The following ARFGEF1 variants were observed in gnomAD, a reference collection of about 807,000 sequenced individuals.
The protein encoded by ARFGEF1 is ARF guanine nucleotide exchange factor 1, also known as brefeldin A-inhibited guanine nucleotide-exchange protein 1.
In ARFGEF1, 42 loss-of-function variants were observed where a neutral mutation model predicts 231.0. The observed-to-expected ratio is 0.18, with a 90% CI of 0.14 to 0.24. The LOEUF is 0.24. Among genes scored for constraint, ARFGEF1 ranks in the 10% least tolerant of loss-of-function variants. The pLI is 1.00. For synonymous variants in ARFGEF1, 710 were observed against 732.3 expected, an observed-to-expected ratio of 0.97 and a Z score of 0.49; for missense variants, 1,345 against 2,192.0, an observed-to-expected ratio of 0.61 and a Z score of 7.72.
At chr8:67,257,267 G>C (rs1840488148) in intron 17 of ARFGEF1, among the ~76,000 whole-genome samples, 1 of 152,066 alleles carries the variant, frequency 6.6e-6, no homozygotes, top group Non-Finnish European at 1.5e-5. Context: ...ATTTTGTAGA[G>C]ACAGGGTTTC....
At chr8:67,276,130 T>A (rs754931263) in intron 8 of ARFGEF1, 21 bp from the exon 9 acceptor site, 1 of 1,611,376 alleles carries the variant, frequency 6.2e-7, no homozygotes, top group Non-Finnish European at 8.5e-7. Flanking sequence ...TAACATACCA[T>A]GAAAATTTTA....
intron 1 of ARFGEF1, among the ~76,000 whole-genome samples, chr8:67,337,465 C>T (rs1310331725): frequency 6.6e-6 from 1 of 152,030 alleles, no homozygotes; most frequent in South Asian, 2.1e-4. Flanking sequence ...CCCTTTCCAC[C>T]ACCACCAACT....
At chr8:67,244,057 A>G (rs987605280) in intron 19 of ARFGEF1, among the ~76,000 whole-genome samples, 5 of 151,622 alleles carry the variant, frequency 3.3e-5, no homozygotes, top group Admixed American at 2.6e-4. Flanking sequence ...CCTGGCCAAC[A>G]TGACAAAACC....
chr8:67,315,671 A>T (rs1003226972), intron 1 of ARFGEF1, among the ~76,000 whole-genome samples: 1 of 152,240 alleles, frequency 6.6e-6, no homozygotes, highest in Non-Finnish European at 1.5e-5. Context: ...AATAGGAATC[A>T]TGGAGAAAAA....
chr8:67,194,270 A>G (rs1337508095), downstream of ARFGEF1, among the ~76,000 whole-genome samples: 1 of 152,222 alleles, frequency 6.6e-6, no homozygotes, highest in Non-Finnish European at 1.5e-5. Flanking sequence ...GGAGTGGTCT[A>G]TTTGGGAAAT....
Position 67,217,919 on chromosome 8 carries a change from G to C in ARFGEF1, c.4476C>G (p.Asp1492Glu). The C allele has an allele frequency of 6.2e-7, 1 of 1,613,498 alleles. No individual in the cohort carries two copies. Among genetic ancestry groups the C allele is most frequent in the South Asian group, 1.1e-5 (1 of 91,046 alleles). Reference sequence around the variant, plus strand: ...TACCAGATCGCGCTAACTGCTCATTGTCTAGGAAAGAAAAGAGCAATTCAT... The same window carrying C: ...TACCAGATCGCGCTAACTGCTCATTCTCTAGGAAAGAAAAGAGCAATTCAT... ...FAQLYWCVQQ[D>E]NEQLARSGTN... Residue 1492 changes from aspartate (D) to glutamate (E), a missense_variant and splice_region_variant, in exon 32 of 39, where the codon GAC (aspartate) becomes GAG (glutamate). Physicochemically the swap from Asp to Glu is conservative, Grantham distance 45. Coordinates refer to ENST00000262215, the MANE Select transcript of ARFGEF1 (RefSeq NM_006421.5).
chr8:67,235,680 G>A (rs1408572726), intron 22 of ARFGEF1, among the ~76,000 whole-genome samples: 5 of 151,914 alleles, frequency 3.3e-5, no homozygotes, highest in Non-Finnish European at 7.4e-5. Context: ...TGAAAGCCTG[G>A]GACAGGCTTT....
intron 19 of ARFGEF1, among the ~76,000 whole-genome samples, chr8:67,249,991 C>T (rs985222693): frequency 6.6e-6 from 1 of 152,226 alleles, no homozygotes; most frequent in Non-Finnish European, 1.5e-5. Context: ...AAAGGACATA[C>T]CTCATATGAA....
At position 67,321,998 on chromosome 8, in the gene ARFGEF1, C is replaced by T. The variant is rs552005459; in HGVS notation, c.125-19532G>A. On this transcript the variant is annotated intron_variant, in intron 1 of 38. Coordinates refer to ENST00000262215, the MANE Select transcript of ARFGEF1 (RefSeq NM_006421.5). ...TGCATGCCCTTCCTTGCATTCCACACTCCAATTGTAAAGGAACATTGTAAA... is the reference window on the plus strand; with the variant it reads ...TGCATGCCCTTCCTTGCATTCCACATTCCAATTGTAAAGGAACATTGTAAA... Among the ~76,000 whole-genome samples the T allele has an allele frequency of 1.1e-4, 17 of 152,352 alleles. No individual in the cohort carries two copies. In the East Asian group the frequency reaches 2.9e-3, roughly 26 times the overall value.
chr8:67,193,600 C>G, downstream of ARFGEF1: 1 of 1,612,468 alleles, frequency 6.2e-7, no homozygotes, highest in Non-Finnish European at 8.5e-7. Context: ...CCTATTAATA[C>G]AGGTAAATGA....
At chr8:67,238,677 TTTA>T in intron 21 of ARFGEF1, 55 bp downstream of exon 21, 1 of 1,572,458 alleles carries the variant, frequency 6.4e-7, no homozygotes, top group Non-Finnish European at 8.7e-7. Context: ...TGATGGACTA[TTTA>T]GCATTAGCTC....
intron 34 of ARFGEF1, among the ~76,000 whole-genome samples, chr8:67,206,164 C>A (rs1838507877): frequency 6.6e-6 from 1 of 151,976 alleles, no homozygotes; most frequent in African/African-American, 2.4e-5. Context: ...AATCCCAGCA[C>A]TTTGGGAGGC....
At position 67,244,266 on chromosome 8, in the gene ARFGEF1, A is replaced by AAAAAAAAAAAAAAAAAAC. The variant is rs1563860748; in HGVS notation, c.2851-3977_2851-3976insGTTTTTTTTTTTTTTTTT. 2.3e-4 allele frequency among the ~76,000 whole-genome samples: 4 copies of AAAAAAAAAAAAAAAAAAC among 17,208 alleles called. 1 individual carries two copies. The highest frequency in any genetic ancestry group is 1.2e-3 in the African/African-American group (4 of 3,398). 11.3% of individuals were successfully genotyped at this position (17,208 alleles called of 152,430 possible). On this transcript the variant is annotated intron_variant, in intron 19 of 38. Coordinates refer to ENST00000262215, the MANE Select transcript of ARFGEF1 (RefSeq NM_006421.5). ...TCAAAAAAAAAAAAAAAAAAAAAAA[A>AAAAAAAAAAAAAAAAAAC]AACATTCGACTACTGAGTCTCTCGT...
rs1156761934 is a variant in ARFGEF1, at chr8:67,197,923, C to T, written c.*1011G>A. ...TTCCAGTAAATCTAACCTCCGCAAA[C>T]CATGCCAGATTTGTTATTTTAATAT... On this transcript the variant is annotated 3_prime_UTR_variant, in exon 39 of 39. Transcript: ENST00000262215. 1 of 985,720 alleles carries T rather than the reference C, an allele frequency of 1.0e-6. No individual in the cohort carries two copies. The highest frequency in any genetic ancestry group is 6.1e-5 in the Admixed American group (1 of 16,270). 61.1% of individuals were successfully genotyped at this position (985,720 alleles called of 1,614,324 possible).
chr8:67,180,652 C>T (rs1209446975), intron 5 of ARFGEF1, among the ~76,000 whole-genome samples: 1 of 152,038 alleles, frequency 6.6e-6, no homozygotes, highest in African/African-American at 2.4e-5. Context: ...TATCGATATC[C>T]TGGTTGTGAG....
At chr8:67,240,311 A>G in intron 19 of ARFGEF1, 21 bp from the exon 20 acceptor site, 2 of 1,574,866 alleles carry the variant, frequency 1.3e-6, no homozygotes, top group Non-Finnish European at 1.7e-6. Flanking sequence ...TAAAAATTGT[A>G]TTTTAATTAA....
At chr8:67,241,799 A>T (rs1276054462) in intron 19 of ARFGEF1, among the ~76,000 whole-genome samples, 1 of 152,150 alleles carries the variant, frequency 6.6e-6, no homozygotes, top group Non-Finnish European at 1.5e-5. Context: ...TATCACTGAA[A>T]GGGACATTGA....
intron 14 of ARFGEF1, 58 bp from the exon 15 acceptor site, chr8:67,259,984 G>T: frequency 8.3e-7 from 1 of 1,206,292 alleles, no homozygotes; most frequent in Non-Finnish European, 1.2e-6. Context: ...TCCCTGAAAA[G>T]ATCTTAAACC....
chr8:67,297,568 G>A (rs1806291491), intron 4 of ARFGEF1, among the ~76,000 whole-genome samples: 1 of 152,066 alleles, frequency 6.6e-6, no homozygotes, highest in African/African-American at 2.4e-5. Flanking sequence ...AACAGAGTGA[G>A]ACTGTCCCAA....
Sources: gnomAD v4.1 joint callset for allele counts (sites outside exome capture counted in the v4.1 genomes callset) on GRCh38, gnomAD v4.1.1 for gene constraint, MANE v1.5 for transcripts, NCBI Gene and HGNC (gene_info 2026-07-23, HGNC 2026-07-21) for gene names.